NRG3: variants seen among roughly 807,000 people sequenced by gnomAD.
NRG3 encodes the protein pro-neuregulin-3, membrane-bound isoform.
In NRG3, 31 loss-of-function variants were observed where a neutral mutation model predicts 66.9. The ratio of observed to expected loss-of-function variants is 0.46; its 90% CI spans 0.35 to 0.63. The LOEUF is 0.63. NRG3 is among the 20% of genes least tolerant of loss of function. The probability of loss-of-function intolerance (pLI) is 0.00; values close to 1 mark genes in which losing one functional copy is unlikely to be tolerated. For missense variants in NRG3, 910 were observed against 878.9 expected (o/e 1.04, Z -0.45); for synonymous variants, 393 against 359.4 (o/e 1.09, Z -1.06).
chr10:81,952,718 C>G (rs987084063), intron 1 of NRG3, among the ~76,000 whole-genome samples: 1 of 152,094 alleles, frequency 6.6e-6, no homozygotes, highest in African/African-American at 2.4e-5. Flanking sequence ...ATCCTTCCAC[C>G]TCAGCCTCCT....
intron 1 of NRG3, among the ~76,000 whole-genome samples, chr10:82,261,739 C>T (rs1358264731): frequency 2.6e-5 from 4 of 152,170 alleles, no homozygotes; most frequent in Non-Finnish European, 5.9e-5. Flanking sequence ...GGGAACATGT[C>T]CTTAAGGCAC....
chr10:81,936,363 C>A (rs1847871306), intron 1 of NRG3, among the ~76,000 whole-genome samples: 1 of 151,992 alleles, frequency 6.6e-6, no homozygotes, highest in Non-Finnish European at 1.5e-5. Context: ...ATAAGGGAAA[C>A]TGAAATGAGG....
intron 2 of NRG3, among the ~76,000 whole-genome samples, chr10:82,608,711 G>T (rs2048119248): frequency 6.6e-6 from 1 of 152,198 alleles, no homozygotes; most frequent in Middle Eastern, 3.4e-3. Context: ...AGCTGGAGTT[G>T]GGTATTGCCC....
intron 1 of NRG3, among the ~76,000 whole-genome samples, chr10:82,191,176 C>T (rs558160250): frequency 1.3e-5 from 2 of 152,230 alleles, no homozygotes; most frequent in East Asian, 3.9e-4. Context: ...GACAGTTTAG[C>T]AACATTTACT....
chr10:82,308,558 T>C (rs774763959), intron 1 of NRG3, among the ~76,000 whole-genome samples: 3 of 152,208 alleles, frequency 2.0e-5, no homozygotes, highest in Admixed American at 2.0e-4. Flanking sequence ...ATTTTGTGTA[T>C]ATTAACATTG....
intron 1 of NRG3, among the ~76,000 whole-genome samples, chr10:81,921,968 C>A (rs1176763055): frequency 6.6e-6 from 1 of 151,984 alleles, no homozygotes; most frequent in Non-Finnish European, 1.5e-5. Context: ...TGTTATGGTT[C>A]CCTTCATATA....
intron 4 of NRG3, among the ~76,000 whole-genome samples, chr10:82,945,693 A>G (rs1039525617): frequency 1.3e-5 from 2 of 152,136 alleles, no homozygotes; most frequent in Admixed American, 1.3e-4. Context: ...TACTCTCATG[A>G]TAACAGTATT....
chr10:82,678,153 G>A (rs1161277297), intron 2 of NRG3, among the ~76,000 whole-genome samples: 4 of 152,174 alleles, frequency 2.6e-5, no homozygotes, highest in Non-Finnish European at 5.9e-5. Context: ...CACTTCAGGT[G>A]TTTCCTATCT....
At chr10:81,932,083 G>T (rs12248597) in intron 1 of NRG3, among the ~76,000 whole-genome samples, 1 of 151,960 alleles carries the variant, frequency 6.6e-6, no homozygotes, top group Admixed American at 6.6e-5. Context: ...GGCTTCTGTG[G>T]AGGTCTCAGG....
intron 1 of NRG3, among the ~76,000 whole-genome samples, chr10:82,304,724 T>A (rs1374976979): frequency 2.6e-5 from 4 of 152,126 alleles, no homozygotes; most frequent in African/African-American, 9.7e-5. Flanking sequence ...ACCATGAAAT[T>A]CCCTACCATC....
chr10:82,648,997 A>G (rs2051189174), intron 2 of NRG3, among the ~76,000 whole-genome samples: 2 of 152,168 alleles, frequency 1.3e-5, no homozygotes, highest in African/African-American at 2.4e-5. Context: ...GCTATCTATG[A>G]CAAACCCACA....
chr10:81,902,709 G>A (rs1321556548), intron 1 of NRG3, among the ~76,000 whole-genome samples: 1 of 152,166 alleles, frequency 6.6e-6, no homozygotes, highest in African/African-American at 2.4e-5. Flanking sequence ...GCAGAGTGAG[G>A]TGCCTTATAA....
At chr10:82,226,767 G>A (rs531214711) in intron 1 of NRG3, among the ~76,000 whole-genome samples, 14 of 152,158 alleles carry the variant, frequency 9.2e-5, no homozygotes, top group Non-Finnish European at 1.6e-4. Flanking sequence ...ATGTAATTTG[G>A]CCAAAGTCTC....
At chr10:82,865,850 T>C (rs1398433937) in intron 4 of NRG3, among the ~76,000 whole-genome samples, 2 of 152,202 alleles carry the variant, frequency 1.3e-5, no homozygotes, top group East Asian at 3.8e-4. Flanking sequence ...AGTTTTTAAA[T>C]TTTTACTTCT....
chr10:82,294,211 A>G (rs560875580), intron 1 of NRG3, among the ~76,000 whole-genome samples: 6 of 152,140 alleles, frequency 3.9e-5, no homozygotes, highest in Non-Finnish European at 7.3e-5. Context: ...TTCACTCCCC[A>G]CTAAACTCAG....
intron 1 of NRG3, among the ~76,000 whole-genome samples, chr10:82,159,492 T>A (rs1360972498): frequency 6.6e-6 from 1 of 151,968 alleles, no homozygotes; most frequent in Non-Finnish European, 1.5e-5. Context: ...AGTTTCCTTC[T>A]CCAACATCTT....
intron 2 of NRG3, among the ~76,000 whole-genome samples, chr10:82,467,071 A>ATTGAATT (rs372027658): frequency 0.023 from 3,547 of 152,230 alleles, 123 homozygotes; most frequent in African/African-American, 0.075. Flanking sequence ...GGGGACCGTT[A>ATTGAATT]TTGAATTTTT....
intron 1 of NRG3, among the ~76,000 whole-genome samples, chr10:81,895,113 C>A (rs924355966): frequency 1.3e-5 from 2 of 152,164 alleles, no homozygotes; most frequent in Non-Finnish European, 2.9e-5. Flanking sequence ...CTGCAACTAT[C>A]TGCACGGGTT....
At chr10:82,289,921 G>T (rs968156348) in intron 1 of NRG3, among the ~76,000 whole-genome samples, 2 of 152,090 alleles carry the variant, frequency 1.3e-5, no homozygotes, top group Non-Finnish European at 2.9e-5. Flanking sequence ...AATTCCCCAT[G>T]GCCCTGTTTT....
Sources: gnomAD v4.1 joint callset for allele counts (sites outside exome capture counted in the v4.1 genomes callset) on GRCh38, gnomAD v4.1.1 for gene constraint, MANE v1.5 for transcripts, NCBI Gene and HGNC (gene_info 2026-07-23, HGNC 2026-07-21) for gene names.